Variants in ODAPH observed in about 807,000 individuals in gnomAD.
ODAPH encodes odontogenesis associated phosphoprotein.
In ODAPH, 2 loss-of-function variants were observed where a neutral mutation model predicts 2.8. The observed-to-expected ratio is 0.72, with a 90% CI of 0.30 to 2.28. The LOEUF is 2.28. ODAPH is among the 30% of genes most tolerant of loss of function. The pLI, the probability that ODAPH is intolerant of heterozygous loss-of-function variation, is 0.13. For synonymous variants in ODAPH, 75 were observed against 60.3 expected (o/e 1.24, Z -1.13); for missense variants, 159 against 163.3 (o/e 0.97, Z 0.14).
chr4:75,560,348 G>A (rs984396759), intron 1 of ODAPH, among the ~76,000 whole-genome samples: 1 of 152,198 alleles, frequency 6.6e-6, no homozygotes, highest in Non-Finnish European at 1.5e-5. Flanking sequence ...AATTTGAGAA[G>A]ATAGCAAAGG....
intron 1 of ODAPH, among the ~76,000 whole-genome samples, chr4:75,561,367 G>C (rs1297544056): frequency 6.6e-6 from 1 of 152,134 alleles, no homozygotes; most frequent in East Asian, 1.9e-4. Context: ...AGTTTAAAGT[G>C]TCTCAATCTA....
At chr4:75,558,241 T>G (rs979337047) in intron 1 of ODAPH, among the ~76,000 whole-genome samples, 2 of 152,214 alleles carry the variant, frequency 1.3e-5, no homozygotes, top group African/African-American at 4.8e-5. Context: ...ATTTTATCTG[T>G]GAAATTAGAG....
intron 1 of ODAPH, among the ~76,000 whole-genome samples, chr4:75,561,170 G>A (rs548968718): frequency 1.4e-5 from 2 of 141,992 alleles, no homozygotes; most frequent in South Asian, 2.3e-4. Flanking sequence ...CTTGCAGTGA[G>A]CCGAGATCGC....
intron 1 of ODAPH, among the ~76,000 whole-genome samples, chr4:75,563,752 T>C (rs559845550): frequency 1.3e-4 from 20 of 152,342 alleles, no homozygotes; most frequent in Non-Finnish European, 1.0e-4. Flanking sequence ...AGTTCTTCCT[T>C]TTTATCGCTG....
In ODAPH at chr4:75,564,208, G is replaced by A. The variant is rs755045480; in HGVS notation, c.162G>A (p.Pro54=). ...QIFTLTPPPA[P]RSPVTRAQPI... is the part of the protein sequence containing the mutation. ...TTACACTCACCCCTCCACCTGCCCC[G>A]AGGAGTCCGGTCACAAGGGCCCAGC... is the stretch of plus-strand genomic sequence containing the variant. The change falls in exon 2 of 2, where the codon CCG becomes CCA. Residue 54 remains proline, a synonymous_variant. Transcript: ENST00000311623. 8.7e-6 allele frequency: 14 copies of A among 1,614,122 alleles called. No individual in the cohort carries two copies. The highest frequency in any genetic ancestry group is 6.7e-5 in the East Asian group (3 of 44,886).
At chr4:75,559,032 G>T (rs527875549) in intron 1 of ODAPH, among the ~76,000 whole-genome samples, 2 of 152,212 alleles carry the variant, frequency 1.3e-5, no homozygotes, top group East Asian at 3.9e-4. Flanking sequence ...GATTTTCTGC[G>T]ACTGAAATTA....
At chr4:75,556,209 C>T in intron 1 of ODAPH, 60 bp downstream of exon 1, 9 of 1,464,004 alleles carry the variant, frequency 6.1e-6, no homozygotes, top group Non-Finnish European at 7.7e-6. Context: ...TAGGAAAAGA[C>T]AAAACTGGCT....
chr4:75,561,856 AAC>A (rs1241855831), intron 1 of ODAPH, among the ~76,000 whole-genome samples: 3 of 152,038 alleles, frequency 2.0e-5, no homozygotes, highest in Non-Finnish European at 4.4e-5. Context: ...AAAAAAAAGA[AAC>A]ACACACACAC....
chr4:75,565,404 T>C (rs1401954217), downstream of ODAPH: 1 of 152,246 alleles, frequency 6.6e-6, no homozygotes, highest in African/African-American at 2.4e-5. Flanking sequence ...TATCATTACA[T>C]AGATGCTGGC....
chr4:75,559,814 G>A (rs1193498723), intron 1 of ODAPH, among the ~76,000 whole-genome samples: 1 of 152,238 alleles, frequency 6.6e-6, no homozygotes, highest in Non-Finnish European at 1.5e-5. Context: ...CACCGTGCTA[G>A]GGATGAGGAG....
chr4:75,564,792 A>G lies in ODAPH; in HGVS notation c.*353A>G, dbSNP rs920208420. Reference sequence around the variant, plus strand: ...CTCCTCTAAATTAAACAGGATTTAAATAAATTGAGATCATTATAAACCACA... The same window carrying G: ...CTCCTCTAAATTAAACAGGATTTAAGTAAATTGAGATCATTATAAACCACA... On this transcript the variant is annotated 3_prime_UTR_variant, in exon 2 of 2. Transcript: ENST00000311623. 5.9e-5 allele frequency: 27 copies of G among 459,168 alleles called. No homozygotes were observed. The highest frequency in any genetic ancestry group is 1.1e-4 in the Non-Finnish European group (27 of 255,804). 28.4% of individuals were successfully genotyped at this position (459,168 alleles called of 1,614,324 possible).
intron 1 of ODAPH, among the ~76,000 whole-genome samples, chr4:75,558,711 T>C (rs1287308066): frequency 1.3e-5 from 2 of 152,216 alleles, no homozygotes; most frequent in Non-Finnish European, 2.9e-5. Flanking sequence ...TATGTTTGTT[T>C]GAGACAGGGT....
rs1727723639 is a variant in ODAPH, at chr4:75,564,291, A to G, written c.245A>G (p.His82Arg). Residue 82 changes from histidine (H) to arginine (R), a missense_variant, in exon 2 of 2, where the codon CAT becomes CGT. By Grantham distance (29) the His-to-Arg change is conservative (BLOSUM62 0). Coordinates refer to ENST00000311623, the MANE Select transcript of ODAPH (RefSeq NM_178497.5). ...TTTTTTCCACGAAGGCCCAGAATCCATTTTAGGTTTCCAAACAGACCTTTC... is the reference window on the plus strand; with the variant it reads ...TTTTTTCCACGAAGGCCCAGAATCCGTTTTAGGTTTCCAAACAGACCTTTC... ...FHFFPRRPRI[H>R]FRFPNRPFVP... 1 of 1,614,204 alleles carries G rather than the reference A, an allele frequency of 6.2e-7. No homozygotes were observed. The highest frequency in any genetic ancestry group is 8.5e-7 in the Non-Finnish European group (1 of 1,180,034).
chr4:75,558,091 A>G (rs1328751422), intron 1 of ODAPH, among the ~76,000 whole-genome samples: 1 of 152,042 alleles, frequency 6.6e-6, no homozygotes, highest in Non-Finnish European at 1.5e-5. Context: ...GCATCTGCCC[A>G]CTCCTTGAGC....
intron 1 of ODAPH, among the ~76,000 whole-genome samples, chr4:75,557,375 C>T (rs552115009): frequency 6.6e-6 from 1 of 152,292 alleles, no homozygotes; most frequent in South Asian, 2.1e-4. Flanking sequence ...TACAGTGGCT[C>T]ACACCTGTAA....
rs140402516 is a variant in ODAPH, at chr4:75,561,260, T to A, written c.68-2854T>A. ...AAAAAAAAAACGAGACTAGCTTCTC[T>A]CCTAGCGACTAGATTCTTGGCAGAA... On this transcript the variant is annotated intron_variant, in intron 1 of 1. Transcript: ENST00000311623. Among the ~76,000 whole-genome samples, 267 of 148,364 alleles carry A rather than the reference T, an allele frequency of 1.8e-3. 2 individuals are homozygous for A. The highest frequency in any genetic ancestry group is 0.014 in the Middle Eastern group (4 of 286).
At chr4:75,561,045 G>A (rs1163189764) in intron 1 of ODAPH, among the ~76,000 whole-genome samples, 2 of 152,016 alleles carry the variant, frequency 1.3e-5, no homozygotes, top group Non-Finnish European at 2.9e-5. Context: ...GTGAAACCTC[G>A]TCTCTACTAA....
At chr4:75,562,290 T>C (rs1308838271) in intron 1 of ODAPH, among the ~76,000 whole-genome samples, 1 of 151,648 alleles carries the variant, frequency 6.6e-6, no homozygotes, top group Non-Finnish European at 1.5e-5. Context: ...GAGAGGGGAA[T>C]CTAGTCCTTT....
Position 75,564,120 on chromosome 4 carries a change from A to C in ODAPH, c.74A>C (p.Glu25Ala), listed in dbSNP as rs1247590318. The C allele has an allele frequency of 6.2e-7, 1 of 1,614,016 alleles. No homozygotes were observed. The highest frequency in any genetic ancestry group is 8.5e-7 in the Non-Finnish European group (1 of 1,180,024). The change falls in exon 2 of 2, where the codon GAA (glutamate) becomes GCA (alanine). Residue 25 changes from glutamate (E) to alanine (A), a missense_variant. Glu to Ala is a moderately radical substitution (Grantham distance 107, BLOSUM62 -1). Transcript: ENST00000311623. ...TGCGTTTTCCTCTCCACAGGACAAGAAGAGGTATTTACGCCTCCTGGAGAT... is the reference window on the plus strand; with the variant it reads ...TGCGTTTTCCTCTCCACAGGACAAGCAGAGGTATTTACGCCTCCTGGAGAT... ...WLVVTVAEGQ[E>A]EVFTPPGDSQ...
Sources: allele counts gnomAD v4.1 joint callset (sites outside exome capture counted in the v4.1 genomes callset), GRCh38; gene constraint gnomAD v4.1.1; transcripts MANE v1.5; gene names NCBI Gene and HGNC (gene_info 2026-07-23, HGNC 2026-07-21).